Variants in CPNE8 observed in about 807,000 individuals in gnomAD.
CPNE8 encodes copine-8.
In CPNE8, 45 loss-of-function variants were observed where a neutral mutation model predicts 81.5. That is an observed-to-expected ratio of 0.55 (90% CI 0.44 to 0.71). The LOEUF (loss-of-function observed/expected upper bound fraction) is 0.71. Among genes scored for constraint, CPNE8 ranks in the 30% least tolerant of loss-of-function variants. CPNE8 has a pLI of 0.00. For synonymous variants in CPNE8, 252 were observed against 226.3 expected, an observed-to-expected ratio of 1.11 and a Z score of -1.02; for missense variants, 594 against 672.1, an observed-to-expected ratio of 0.88 and a Z score of 1.28.
chr12:38,681,192 T>C (rs918700980), intron 16 of CPNE8, among the ~76,000 whole-genome samples: 2 of 152,036 alleles, frequency 1.3e-5, no homozygotes, highest in African/African-American at 2.4e-5. Flanking sequence ...AAATTATTGA[T>C]GAAGAATTCT....
At chr12:38,683,041 T>G (rs939702397) in intron 16 of CPNE8, among the ~76,000 whole-genome samples, 3 of 152,138 alleles carry the variant, frequency 2.0e-5, no homozygotes, top group African/African-American at 7.2e-5. Context: ...AAAAAGCATA[T>G]AAAACCTTCA....
intron 13 of CPNE8, among the ~76,000 whole-genome samples, chr12:38,723,297 T>C (rs1940611796): frequency 6.6e-6 from 1 of 152,134 alleles, no homozygotes; most frequent in African/African-American, 2.4e-5. Flanking sequence ...CAACTATTTT[T>C]TTTTTCCTGA....
intron 19 of CPNE8, among the ~76,000 whole-genome samples, chr12:38,654,974 A>AT (rs1252135009): frequency 2.6e-5 from 4 of 152,186 alleles, no homozygotes; most frequent in African/African-American, 7.2e-5. Context: ...GGAAGCTGAA[A>AT]TATTCAGTAC....
intron 13 of CPNE8, among the ~76,000 whole-genome samples, chr12:38,719,704 A>T (rs1385919586): frequency 6.6e-6 from 1 of 152,046 alleles, no homozygotes; most frequent in Non-Finnish European, 1.5e-5. Context: ...TTGCTAGTTG[A>T]TTTGGATTCC....
chr12:38,675,361 A>T (rs950029683), intron 18 of CPNE8, among the ~76,000 whole-genome samples: 1 of 152,208 alleles, frequency 6.6e-6, no homozygotes, highest in African/African-American at 2.4e-5. Flanking sequence ...TAGTGAACAC[A>T]GAGTGTGTTT....
At chr12:38,663,487 C>T (rs1591996226) in intron 19 of CPNE8, among the ~76,000 whole-genome samples, 2 of 151,498 alleles carry the variant, frequency 1.3e-5, no homozygotes, top group African/African-American at 2.4e-5. Flanking sequence ...ATGGCTATTA[C>T]CAAAAAGACA....
At chr12:38,880,355 A>G (rs1023003807) in intron 1 of CPNE8, among the ~76,000 whole-genome samples, 4 of 152,228 alleles carry the variant, frequency 2.6e-5, no homozygotes, top group Non-Finnish European at 4.4e-5. Context: ...AAGCTTGCAC[A>G]TAAGTGGGGC....
At chr12:38,831,795 A>G (rs915732813) in intron 5 of CPNE8, among the ~76,000 whole-genome samples, 1 of 152,190 alleles carries the variant, frequency 6.6e-6, no homozygotes, top group Non-Finnish European at 1.5e-5. Flanking sequence ...GAAATGTATC[A>G]TTGCTCTTCT....
intron 6 of CPNE8, among the ~76,000 whole-genome samples, chr12:38,786,700 C>T (rs184324708): frequency 2.6e-5 from 4 of 152,122 alleles, no homozygotes; most frequent in Admixed American, 6.6e-5. Flanking sequence ...ATACTTATAT[C>T]AGACAAAATA....
At chr12:38,836,295 G>A (rs1455901109) in intron 5 of CPNE8, among the ~76,000 whole-genome samples, 1 of 152,056 alleles carries the variant, frequency 6.6e-6, no homozygotes, top group Non-Finnish European at 1.5e-5. Flanking sequence ...TTTGTCTGGT[G>A]CACAATGATT....
intron 4 of CPNE8, among the ~76,000 whole-genome samples, chr12:38,840,763 G>T (rs1943456646): frequency 6.6e-6 from 1 of 152,106 alleles, no homozygotes; most frequent in African/African-American, 2.4e-5. Context: ...TTCTGGTTTT[G>T]ACCAGTTGGT....
chr12:38,833,351 CAAAAAAAAAAA>C lies in CPNE8; in HGVS notation c.331-3907_331-3897del, dbSNP rs774534221. ...TGGGCGACAGAGTGAGACCTTATCT[CAAAAAAAAAAA>C]AAAAAAAAAAGAAAAGAAAAGATAC... On this transcript the variant is annotated intron_variant, in intron 5 of 19. Coordinates refer to ENST00000331366, the MANE Select transcript of CPNE8 (RefSeq NM_153634.3). Among the ~76,000 whole-genome samples, 22 of 61,890 alleles carry C rather than the reference CAAAAAAAAAAA, an allele frequency of 3.6e-4. 1 individual carries two copies. In the East Asian group the frequency reaches 9.2e-3, roughly 26 times the overall value. 40.6% of individuals were successfully genotyped at this position (61,890 alleles called of 152,430 possible). A position where few individuals can be genotyped will look rare whatever the true frequency, so the allele number is the denominator to read the frequency against.
At chr12:38,825,971 T>G (rs1282098810) in intron 6 of CPNE8, among the ~76,000 whole-genome samples, 1 of 152,190 alleles carries the variant, frequency 6.6e-6, no homozygotes, top group African/African-American at 2.4e-5. Flanking sequence ...TTGGATTATC[T>G]CAGGTATCTA....
intron 13 of CPNE8, among the ~76,000 whole-genome samples, chr12:38,717,393 G>T (rs1592033561): frequency 7.9e-6 from 1 of 126,102 alleles, no homozygotes; most frequent in Non-Finnish European, 1.6e-5. Context: ...CAACCTATGT[G>T]CCCATCGACC....
intron 10 of CPNE8, among the ~76,000 whole-genome samples, chr12:38,746,436 T>A (rs1243875027): frequency 1.3e-5 from 2 of 152,176 alleles, no homozygotes; most frequent in Non-Finnish European, 2.9e-5. Flanking sequence ...TTTCCAAAGC[T>A]ACAAATTGTA....
At chr12:38,748,311 G>A (rs1227943051) in intron 10 of CPNE8, among the ~76,000 whole-genome samples, 3 of 151,946 alleles carry the variant, frequency 2.0e-5, no homozygotes, top group African/African-American at 7.3e-5. Context: ...CCATCCGAAC[G>A]CAATACTATT....
intron 13 of CPNE8, among the ~76,000 whole-genome samples, chr12:38,712,790 A>G (rs1252305080): frequency 6.6e-6 from 1 of 152,196 alleles, no homozygotes; most frequent in East Asian, 1.9e-4. Flanking sequence ...GACTGAAAGA[A>G]GTATCCTGGG....
intron 18 of CPNE8, among the ~76,000 whole-genome samples, chr12:38,672,463 C>T (rs1939196503): frequency 6.6e-6 from 1 of 152,108 alleles, no homozygotes; most frequent in Admixed American, 6.6e-5. Context: ...GGTGTGCAGA[C>T]CATCTGGTCC....
At chr12:38,670,529 C>T (rs756273392) in intron 19 of CPNE8, among the ~76,000 whole-genome samples, 200 bp downstream of exon 19, 24 of 152,062 alleles carry the variant, frequency 1.6e-4, no homozygotes, top group African/African-American at 3.4e-4. Context: ...CATGAAAATA[C>T]ATACAAAGTT....
Sources: gnomAD v4.1 joint callset for allele counts (sites outside exome capture counted in the v4.1 genomes callset) on GRCh38, gnomAD v4.1.1 for gene constraint, MANE v1.5 for transcripts, NCBI Gene and HGNC (gene_info 2026-07-23, HGNC 2026-07-21) for gene names.